The following USP29 variants were observed in gnomAD, a reference collection of about 807,000 sequenced individuals.
USP29 encodes ubiquitin specific peptidase 29, also known as ubiquitin carboxyl-terminal hydrolase 29.
For missense variants in USP29, 1,102 were observed against 1,069.0 expected, an observed-to-expected ratio of 1.03 and a Z score of -0.43; for synonymous variants, 386 against 387.4, an observed-to-expected ratio of 1.00 and a Z score of 0.04.
Position 57,130,511 on chromosome 19 carries a change from TGCAA to T in USP29, c.1839_1842del (p.Ser614LysfsTer14). On this transcript the variant is annotated frameshift_variant, in exon 4 of 4. Transcript: ENST00000254181. LOFTEE classifies it low-confidence loss of function (END_TRUNC). ...AAAGATTCCAGAGAGACTGTGGAGA[TGCAA>T]GCCAAGAGCAGCATCAGAGAGACCT... 1 of 1,614,128 alleles carries T rather than the reference TGCAA, an allele frequency of 6.2e-7. No homozygotes were observed. Among genetic ancestry groups the T allele is most frequent in the South Asian group, 1.1e-5 (1 of 91,074 alleles).
chr19:57,127,527 C>T (rs1252734691), intron 3 of USP29, among the ~76,000 whole-genome samples: 1 of 152,154 alleles, frequency 6.6e-6, no homozygotes, highest in Non-Finnish European at 1.5e-5. Flanking sequence ...GCTGCTTTGC[C>T]ATGCTGTGGT....
At chr19:57,120,678 TG>T (rs1391458645) in intron 1 of USP29, among the ~76,000 whole-genome samples, 1 of 141,662 alleles carries the variant, frequency 7.1e-6, no homozygotes, top group Non-Finnish European at 1.5e-5. Context: ...TCCCAGCTAC[TG>T]GGGAGGCTGA....
At chr19:57,121,958 T>C (rs556036419) in intron 1 of USP29, among the ~76,000 whole-genome samples, 10 of 150,654 alleles carry the variant, frequency 6.6e-5, no homozygotes, top group African/African-American at 1.5e-4. Context: ...AAAAAATAGA[T>C]AGATAGATAG....
At chr19:57,127,345 G>A (rs1398946788) in intron 3 of USP29, among the ~76,000 whole-genome samples, 1 of 152,196 alleles carries the variant, frequency 6.6e-6, no homozygotes, top group Non-Finnish European at 1.5e-5. Context: ...GAGCCAGCAG[G>A]CAGAAAAGAT....
rs201784224 is a variant in USP29 at position 57,129,363 on chromosome 19, A to G, written c.688A>G (p.Thr230Ala). 36 of 1,614,194 alleles carry G rather than the reference A, an allele frequency of 2.2e-5. No homozygotes were observed. The East Asian group carries it at 7.4e-4, about 33-fold the overall frequency. ...RDLKLGPSFN[T>A]NCNGNPNLDE... ...TTTGAAACTCGGGCCTTCATTCAAT[A>G]CCAACTGTAATGGAAATCCTAACCT... is the stretch of plus-strand genomic sequence containing the variant. Residue 230 changes from threonine (T) to alanine (A), a missense_variant, in exon 4 of 4, where the codon ACC becomes GCC. Coordinates refer to ENST00000254181, the MANE Select transcript of USP29 (RefSeq NM_020903.3).
chr19:57,131,593 T>G lies in USP29; in HGVS notation c.*149T>G. ...ACACTTATTTTGGGGGAATATCTAT[T>G]TTAACTGCTTCAGACACCTAGATCC... On this transcript the variant is annotated 3_prime_UTR_variant, in exon 4 of 4. Transcript: ENST00000254181. The G allele has an allele frequency of 1.5e-6, 2 of 1,304,482 alleles. No homozygotes were observed. Among genetic ancestry groups the G allele is most frequent in the Non-Finnish European group, 2.1e-6 (2 of 957,676 alleles). 80.8% of individuals were successfully genotyped at this position (1,304,482 alleles called of 1,614,324 possible).
At chr19:57,123,225 G>A (rs1408431968) in intron 2 of USP29, among the ~76,000 whole-genome samples, 1 of 152,086 alleles carries the variant, frequency 6.6e-6, no homozygotes, top group Non-Finnish European at 1.5e-5. Context: ...ATATCATATG[G>A]TCACTTGCAG....
At chr19:57,123,495 C>G (rs145469299) in intron 2 of USP29, among the ~76,000 whole-genome samples, 1 of 152,060 alleles carries the variant, frequency 6.6e-6, no homozygotes, top group African/African-American at 2.4e-5. Context: ...TTCACTTATA[C>G]GAAAGTAAGA....
rs563156825 is a variant in USP29, at chr19:57,122,458, G to A, written c.-134G>A. ...AAAAGAATTATCATCCACTCACCCA[G>A]AACAGCTCTCCAAACTGTAAGTTTC... On this transcript the variant is annotated 5_prime_UTR_variant, in exon 2 of 4. Coordinates refer to ENST00000254181, the MANE Select transcript of USP29 (RefSeq NM_020903.3). 5 of 151,640 alleles carry A rather than the reference G, an allele frequency of 3.3e-5. No homozygotes were observed. Among genetic ancestry groups the A allele is most frequent in the African/African-American group, 1.2e-4 (5 of 41,290 alleles). The allele number at this position is 151,640 out of a possible 1,614,324, so 9.4% of individuals were successfully genotyped here.
Position 57,130,404 on chromosome 19 carries a change from T to C in USP29, c.1729T>C (p.Leu577=), listed in dbSNP as rs2086850477. Residue 577 remains leucine (L), a synonymous_variant, in exon 4 of 4, where the codon TTG becomes CTG. Transcript: ENST00000254181. ...QEMISEINSP[L]TPSMKLTSES... is the part of the protein sequence containing the mutation. ...GATGATTTCTGAGATCAACAGCCCA[T>C]TGACACCATCAATGAAGCTGACCTC... is the stretch of plus-strand genomic sequence containing the variant. 5 of 1,614,060 alleles carry C rather than the reference T, an allele frequency of 3.1e-6. No homozygotes were observed. The highest frequency in any genetic ancestry group is 1.1e-5 in the South Asian group (1 of 91,088).
intron 1 of USP29, among the ~76,000 whole-genome samples, chr19:57,120,923 G>A (rs2086792082): frequency 6.6e-6 from 1 of 150,460 alleles, no homozygotes; most frequent in Admixed American, 6.7e-5. Flanking sequence ...GCGAAACCCC[G>A]TCTCTACTAA....
intron 3 of USP29, among the ~76,000 whole-genome samples, chr19:57,126,689 G>A (rs2086826135): frequency 6.6e-6 from 1 of 151,964 alleles, no homozygotes; most frequent in East Asian, 1.9e-4. Flanking sequence ...TAGCTTCCTT[G>A]CATTGGGTTA....
rs187226665 is a variant in USP29, at chr19:57,130,312, A to C, written c.1637A>C (p.Lys546Thr). Residue 546 changes from lysine to threonine, a missense_variant, in exon 4 of 4, where the codon AAA becomes ACA. Physicochemically the swap from Lys to Thr is moderately conservative, Grantham distance 78. Transcript: ENST00000254181. ...TCTTCTTATTGCAATGAAAGCACCA[A>C]ACCACCTCTTCCCTTGAGCAGTAGT... ...SLSSYCNEST[K>T]PPLPLSSSAP... The C allele has an allele frequency of 1.9e-6, 3 of 1,614,060 alleles. No individual in the cohort carries two copies. The highest frequency in any genetic ancestry group is 2.7e-5 in the African/African-American group (2 of 75,026).
chr19:57,130,187 C>T lies in USP29; in HGVS notation c.1512C>T (p.Ser504=). ...CVARHTFSRL[S]RVLIIHLKRY... ...CAAGGCATACATTTAGTAGGCTCTCCAGGGTCCTTATCATTCATCTGAAAC... is the reference window on the plus strand; with the variant it reads ...CAAGGCATACATTTAGTAGGCTCTCTAGGGTCCTTATCATTCATCTGAAAC... Residue 504 remains serine (S), a synonymous_variant, in exon 4 of 4, where the codon TCC becomes TCT. Coordinates refer to ENST00000254181, the MANE Select transcript of USP29 (RefSeq NM_020903.3). The T allele has an allele frequency of 6.2e-7, 1 of 1,614,032 alleles. No individual in the cohort carries two copies. Among genetic ancestry groups the T allele is most frequent in the Non-Finnish European group, 8.5e-7 (1 of 1,180,006 alleles).
chr19:57,122,995 T>C (rs1292022538), intron 2 of USP29, among the ~76,000 whole-genome samples: 2 of 152,228 alleles, frequency 1.3e-5, no homozygotes, highest in Non-Finnish European at 2.9e-5. Context: ...GACACATTAA[T>C]TATAATCATG....
At chr19:57,119,487 A>G (rs2086781439), upstream of USP29, among the ~76,000 whole-genome samples, 1 of 152,094 alleles carries the variant, frequency 6.6e-6, no homozygotes, top group Non-Finnish European at 1.5e-5. Context: ...TAGTGGCGCC[A>G]TCTCCGCTCA....
intron 3 of USP29, among the ~76,000 whole-genome samples, chr19:57,126,673 G>T (rs1457961436): frequency 6.6e-6 from 1 of 151,938 alleles, no homozygotes; most frequent in African/African-American, 2.4e-5. Flanking sequence ...CTTTTATCAA[G>T]GTTCTTAGCT....
In USP29 at chr19:57,129,865, C is replaced by T. The variant is rs970163993; in HGVS notation, c.1190C>T (p.Thr397Ile). ...DMEKLNATLNTGKECGDENSS... is the reference protein window; with the variant it reads ...DMEKLNATLNIGKECGDENSS... ...GAAAAATTAAATGCCACTTTGAATA[C>T]TGGGAAAGAATGTGGGGATGAAAAT... Residue 397 changes from threonine to isoleucine, a missense_variant, in exon 4 of 4, where the codon ACT becomes ATT. Thr to Ile is a moderately conservative substitution (Grantham distance 89). Coordinates refer to ENST00000254181, the MANE Select transcript of USP29 (RefSeq NM_020903.3). 67 of 1,613,974 alleles carry T rather than the reference C, an allele frequency of 4.2e-5. 2 individuals are homozygous for T. In the Middle Eastern group the frequency reaches 6.6e-4, roughly 16 times the overall value.
chr19:57,121,602 A>G (rs560454496), intron 1 of USP29, among the ~76,000 whole-genome samples: 1 of 146,270 alleles, frequency 6.8e-6, no homozygotes, highest in Non-Finnish European at 1.5e-5. Context: ...ATACTTATAT[A>G]TGTTATATAT....
Sources: allele counts gnomAD v4.1 joint callset (sites outside exome capture counted in the v4.1 genomes callset), GRCh38; gene constraint gnomAD v4.1.1; transcripts MANE v1.5; gene names NCBI Gene and HGNC (gene_info 2026-07-23, HGNC 2026-07-21).